Variants in HTR2A observed in about 807,000 individuals in gnomAD.
HTR2A encodes 5-HT2 receptor.
Under a neutral mutation model 31.0 loss-of-function variants are expected in HTR2A, and 14 were observed. That is an observed-to-expected ratio of 0.45 (90% confidence interval 0.30 to 0.71). The LOEUF is 0.71. Among genes scored for constraint, HTR2A ranks in the 30% least tolerant of loss-of-function variants. HTR2A has a pLI of 0.09. For synonymous variants in HTR2A, 209 were observed against 225.2 expected (o/e 0.93, Z 0.64); for missense variants, 442 against 573.3 (o/e 0.77, Z 2.34).
At chr13:46,845,511 A>G (rs963019338) in intron 3 of HTR2A, among the ~76,000 whole-genome samples, 1 of 152,118 alleles carries the variant, frequency 6.6e-6, no homozygotes, top group Non-Finnish European at 1.5e-5. Flanking sequence ...TTGTTCCTTC[A>G]TCCATCAATC....
Position 46,877,168 on chromosome 13 carries a change from C to A in HTR2A, c.613+15222G>T, listed in dbSNP as rs555108286. Among the ~76,000 whole-genome samples the A allele has an allele frequency of 1.5e-4, 23 of 152,218 alleles. No individual in the cohort carries two copies. The South Asian group carries it at 4.8e-3, about 32-fold the overall frequency. ...CTGTACCCTTTCTTATATATATTTT[C>A]CAAAAGCATCCAATTTAAAGAACAA... On this transcript the variant is annotated intron_variant, in intron 3 of 3. Coordinates refer to ENST00000542664, the MANE Select transcript of HTR2A (RefSeq NM_000621.5).
At chr13:46,892,691 G>C (rs888752155) in intron 2 of HTR2A, 101 bp from the exon 3 acceptor site, 4 of 889,108 alleles carry the variant, frequency 4.5e-6, no homozygotes, top group Non-Finnish European at 7.3e-6. Flanking sequence ...AGGCACAGGT[G>C]GTGGCAAAGG....
At chr13:46,835,740 A>T in intron 3 of HTR2A, 101 bp from the exon 4 acceptor site, 1 of 841,450 alleles carries the variant, frequency 1.2e-6, no homozygotes, top group African/African-American at 1.7e-5. Context: ...ATTTTATATC[A>T]TCGTTTAAAA....
chr13:46,888,022 A>G (rs1391365842), intron 3 of HTR2A, among the ~76,000 whole-genome samples: 5 of 151,908 alleles, frequency 3.3e-5, no homozygotes, highest in Non-Finnish European at 7.4e-5. Context: ...GCACACGTTT[A>G]CCCATGTAAC....
Position 46,895,731 on chromosome 13 carries a change from C to A in HTR2A, c.176G>T (p.Gly59Val). 6.2e-7 allele frequency: 1 copy of A among 1,614,056 alleles called. No individual in the cohort carries two copies. Among genetic ancestry groups the A allele is most frequent in the Non-Finnish European group, 8.5e-7 (1 of 1,180,008 alleles). The change falls in exon 2 of 4, where the codon GGG becomes GTG. Residue 59 changes from glycine to valine, a missense_variant. Transcript: ENST00000542664. The surrounding 1 kb of genome is among the most constrained non-coding windows in gnomAD (Gnocchi z 4.4). ...SENRTNLSCE[G>V]CLSPSCLSLL... is the part of the protein sequence containing the mutation. The stretch of plus-strand genomic sequence containing the variant: ...GGAGAGACACGACGGTGAGAGGCAC[C>A]CTTCACAGGAAAGGTTGGTTCGATT...
Position 46,833,487 on chromosome 13 carries a change from T to A in HTR2A, c.*1350A>T, listed in dbSNP as rs1043005791. 6.6e-6 allele frequency: 1 copy of A among 151,984 alleles called. No individual in the cohort carries two copies. Among genetic ancestry groups the A allele is most frequent in the Non-Finnish European group, 1.5e-5 (1 of 67,996 alleles). The allele number at this position is 151,984 out of a possible 1,614,324, so 9.4% of individuals were successfully genotyped here. On this transcript the variant is annotated 3_prime_UTR_variant, in exon 4 of 4. Coordinates refer to ENST00000542664, the MANE Select transcript of HTR2A (RefSeq NM_000621.5). ...GTGATCCTTGCGTCTCAGCCTCCCCTGTAGCTGGGACCACAGTTGTGTGCC... is the reference window on the plus strand; with the variant it reads ...GTGATCCTTGCGTCTCAGCCTCCCCAGTAGCTGGGACCACAGTTGTGTGCC...
intron 3 of HTR2A, among the ~76,000 whole-genome samples, chr13:46,861,828 G>T (rs942178933): frequency 1.3e-5 from 2 of 152,290 alleles, no homozygotes; most frequent in Admixed American, 6.5e-5. Context: ...CCCTTCTGTG[G>T]CTTAACTAGT....
At chr13:46,864,964 A>T (rs565574951) in intron 3 of HTR2A, among the ~76,000 whole-genome samples, 4 of 151,842 alleles carry the variant, frequency 2.6e-5, no homozygotes, top group African/African-American at 9.7e-5. Flanking sequence ...AGGTTGGAAG[A>T]TGATTTTGTC....
At chr13:46,848,647 A>T (rs1950661015) in intron 3 of HTR2A, among the ~76,000 whole-genome samples, 4 of 152,230 alleles carry the variant, frequency 2.6e-5, no homozygotes, top group Admixed American at 2.6e-4. Context: ...AACTTGGTCT[A>T]GGCCTTATAC....
Position 46,895,981 on chromosome 13 carries a change from G to A in HTR2A, c.-75C>T. 6.5e-7 allele frequency: 1 copy of A among 1,527,710 alleles called. No homozygotes were observed. Among genetic ancestry groups the A allele is most frequent in the African/African-American group, 1.4e-5 (1 of 72,658 alleles). 94.6% of individuals were successfully genotyped at this position (1,527,710 alleles called of 1,614,324 possible). ...ATAGTTTCTGCTCACCATTCACCTTGATGTACCCACACTCTGTAACACTGA... is the reference window on the plus strand; with the variant it reads ...ATAGTTTCTGCTCACCATTCACCTTAATGTACCCACACTCTGTAACACTGA... On this transcript the variant is annotated 5_prime_UTR_variant, in exon 2 of 4. The change creates a premature stop within an existing upstream ORF in the 5' untranslated region. Transcript: ENST00000542664. The surrounding 1 kb of genome is among the most constrained non-coding windows in gnomAD (Gnocchi z 4.4).
intron 3 of HTR2A, among the ~76,000 whole-genome samples, chr13:46,867,798 T>G (rs968473184): frequency 1.3e-5 from 2 of 152,222 alleles, no homozygotes; most frequent in Non-Finnish European, 2.9e-5. Flanking sequence ...GCTATTGTAG[T>G]GAATCTCTGA....
At chr13:46,859,011 G>T (rs1244082239) in intron 3 of HTR2A, among the ~76,000 whole-genome samples, 1 of 152,208 alleles carries the variant, frequency 6.6e-6, no homozygotes. Flanking sequence ...CTGCAGTGAA[G>T]AATTTGGCAT....
At chr13:46,851,173 A>G (rs1189509038) in intron 3 of HTR2A, among the ~76,000 whole-genome samples, 1 of 152,232 alleles carries the variant, frequency 6.6e-6, no homozygotes, top group Non-Finnish European at 1.5e-5. Context: ...GTGTCTGTGT[A>G]TATGTGTGTT....
intron 3 of HTR2A, among the ~76,000 whole-genome samples, chr13:46,864,566 G>A (rs944207013): frequency 6.6e-6 from 1 of 152,138 alleles, no homozygotes; most frequent in South Asian, 2.1e-4. Flanking sequence ...TTGCGGCTTC[G>A]GTAAGAAGGT....
intron 3 of HTR2A, among the ~76,000 whole-genome samples, chr13:46,862,113 CAG>C (rs1950783334): frequency 1.3e-5 from 2 of 152,242 alleles, no homozygotes; most frequent in South Asian, 2.1e-4. Context: ...GTTTGTAAAA[CAG>C]AGAACGAGAT....
intron 3 of HTR2A, among the ~76,000 whole-genome samples, chr13:46,845,624 A>G (rs1950635424): frequency 7.2e-6 from 1 of 138,888 alleles, no homozygotes; most frequent in South Asian, 2.3e-4. Context: ...CTTCACTACC[A>G]TTCATTAATT....
Position 46,834,820 on chromosome 13 carries a change from C to T in HTR2A, c.*17G>A. 6.3e-7 allele frequency: 1 copy of T among 1,580,234 alleles called. No homozygotes were observed. The highest frequency in any genetic ancestry group is 8.6e-7 in the Non-Finnish European group (1 of 1,161,742). On this transcript the variant is annotated 3_prime_UTR_variant, in exon 4 of 4. Transcript: ENST00000542664. ...TTGCTCAGTGTGCCTTCCACAGTTG[C>T]CACGGCAACTAGCCTATCACACACA...
Position 46,896,908 on chromosome 13 carries a change from C to G in HTR2A, c.-563G>C. 7.7e-7 allele frequency: 1 copy of G among 1,290,526 alleles called. No homozygotes were observed. The highest frequency in any genetic ancestry group is 1.1e-6 in the Non-Finnish European group (1 of 938,520). 79.9% of individuals were successfully genotyped at this position (1,290,526 alleles called of 1,614,324 possible). A position where few individuals can be genotyped will look rare whatever the true frequency, so the allele number is the denominator to read the frequency against. Reference sequence around the variant, plus strand: ...TGGCACGGCTCGGCTGGGTTCCTCCCTCCCTGTGCGGCTCGCCTCAGCAGG... The same window carrying G: ...TGGCACGGCTCGGCTGGGTTCCTCCGTCCCTGTGCGGCTCGCCTCAGCAGG... On this transcript the variant is annotated 5_prime_UTR_variant, in exon 1 of 4. Coordinates refer to ENST00000542664, the MANE Select transcript of HTR2A (RefSeq NM_000621.5).
chr13:46,843,303 G>GA (rs1826574329), intron 3 of HTR2A, among the ~76,000 whole-genome samples: 1 of 152,142 alleles, frequency 6.6e-6, no homozygotes, highest in Non-Finnish European at 1.5e-5. Context: ...TGTGCACATA[G>GA]AAAAAACATA....
Sources: gnomAD v4.1 joint callset for allele counts (sites outside exome capture counted in the v4.1 genomes callset) on GRCh38, gnomAD v4.1.1 for gene constraint, Gnocchi (gnomAD v3.1) non-coding constraint, MANE v1.5 for transcripts, NCBI Gene and HGNC (gene_info 2026-07-23, HGNC 2026-07-21) for gene names.